The following ARAP2 variants were observed in gnomAD, a reference collection of about 807,000 sequenced individuals.
The protein encoded by ARAP2 is arf-GAP with Rho-GAP domain, ANK repeat and PH domain-containing protein 2.
Under a neutral mutation model 194.5 loss-of-function variants are expected in ARAP2, and 148 were observed. That is an observed-to-expected ratio of 0.76 (90% CI 0.67 to 0.87). ARAP2 has a LOEUF of 0.87. Among genes scored for constraint, ARAP2 ranks in the 40% least tolerant of loss-of-function variants. ARAP2 has a pLI of 0.00. For synonymous variants in ARAP2, 695 were observed against 683.5 expected, an observed-to-expected ratio of 1.02 and a Z score of -0.26; for missense variants, 2,128 against 1,989.7, an observed-to-expected ratio of 1.07 and a Z score of -1.32.
chr4:36,192,430 G>A (rs898220263), intron 7 of ARAP2, among the ~76,000 whole-genome samples: 1 of 152,018 alleles, frequency 6.6e-6, no homozygotes, highest in Non-Finnish European at 1.5e-5. Flanking sequence ...GGGAAAGAGG[G>A]AAAAACAGTC....
At chr4:36,025,058 A>G (rs1476303094) in intron 5 of ARAP2, among the ~76,000 whole-genome samples, 1 of 152,114 alleles carries the variant, frequency 6.6e-6, no homozygotes, top group Non-Finnish European at 1.5e-5. Flanking sequence ...CTTACTAATC[A>G]CATATTCAAC....
At chr4:36,177,734 T>C (rs529795253) in intron 9 of ARAP2, 93 bp downstream of exon 9, 1 of 1,313,244 alleles carries the variant, frequency 7.6e-7, no homozygotes, top group East Asian at 2.4e-5. Flanking sequence ...AACAAGACTC[T>C]ATAAGTAAAA....
chr4:36,010,640 C>T (rs927595683), intron 9 of ARAP2, among the ~76,000 whole-genome samples: 2 of 152,124 alleles, frequency 1.3e-5, no homozygotes, highest in African/African-American at 2.4e-5. Flanking sequence ...TCATGAGGGA[C>T]CTAAGTCTTT....
At chr4:36,022,047 G>A (rs1254655151) in intron 5 of ARAP2, among the ~76,000 whole-genome samples, 2 of 152,120 alleles carry the variant, frequency 1.3e-5, no homozygotes, top group Non-Finnish European at 2.9e-5. Context: ...TAGCACAACC[G>A]TAAGTGTTTG....
chr4:36,189,482 T>G (rs1057277694), intron 7 of ARAP2, among the ~76,000 whole-genome samples: 3 of 152,172 alleles, frequency 2.0e-5, no homozygotes, highest in African/African-American at 7.2e-5. Context: ...CATCCTACAG[T>G]GCTATAGAAC....
intron 1 of ARAP2, among the ~76,000 whole-genome samples, chr4:36,232,656 C>T (rs956203381): frequency 6.6e-6 from 1 of 152,196 alleles, no homozygotes; most frequent in Non-Finnish European, 1.5e-5. Context: ...ACTCTATCTG[C>T]TTTCTTAAGC....
chr4:36,124,502 A>G (rs1035144969), intron 22 of ARAP2, among the ~76,000 whole-genome samples: 4 of 151,876 alleles, frequency 2.6e-5, no homozygotes, highest in African/African-American at 9.7e-5. Context: ...ACCAAAATAT[A>G]AAGGTCAGGT....
chr4:36,077,561 T>C (rs1482250469), intron 31 of ARAP2, among the ~76,000 whole-genome samples: 1 of 152,188 alleles, frequency 6.6e-6, no homozygotes, highest in African/African-American at 2.4e-5. Context: ...AAAAGCCTTA[T>C]TGGCTCTACC....
chr4:36,135,959 T>C (rs2109631332), intron 19 of ARAP2, among the ~76,000 whole-genome samples: 1 of 151,950 alleles, frequency 6.6e-6, no homozygotes, highest in Non-Finnish European at 1.5e-5. Flanking sequence ...CAAATTTTCT[T>C]TCTAGTCAGA....
At chr4:36,085,811 G>C (rs989980782) in intron 28 of ARAP2, among the ~76,000 whole-genome samples, 15 of 152,034 alleles carry the variant, frequency 9.9e-5, no homozygotes, top group African/African-American at 3.4e-4. Flanking sequence ...ACTCCTATCA[G>C]AGAAGTCTAT....
intron 9 of ARAP2, among the ~76,000 whole-genome samples, chr4:36,008,683 C>T (rs1352019892): frequency 1.3e-5 from 2 of 151,720 alleles, no homozygotes; most frequent in African/African-American, 4.8e-5. Flanking sequence ...ACAACAAAAA[C>T]AAAAATTGGC....
chr4:36,103,772 G>C (rs934956379), intron 27 of ARAP2, among the ~76,000 whole-genome samples: 1 of 151,808 alleles, frequency 6.6e-6, no homozygotes. Context: ...TACCTTAAAT[G>C]AATGAGCAGA....
chr4:36,227,887 C>A (rs926445650), intron 2 of ARAP2, among the ~76,000 whole-genome samples: 1 of 152,156 alleles, frequency 6.6e-6, no homozygotes, highest in African/African-American at 2.4e-5. Context: ...TAAATTACCT[C>A]CTCCCAAACT....
rs1560675673 is a variant in ARAP2 at position 36,210,396 on chromosome 4, GGA to G, written c.1479_1480del (p.Pro494SerfsTer14). 5 of 1,608,786 alleles carry G rather than the reference GGA, an allele frequency of 3.1e-6. No homozygotes were observed. Among genetic ancestry groups the G allele is most frequent in the Non-Finnish European group, 3.4e-6 (4 of 1,177,720 alleles). Reference sequence around the variant, plus strand: ...TAAATGCATACGTACATACCCTTGAGGAGAGAGTTTATCCAGCCATCCTGATT... The same window carrying G: ...TAAATGCATACGTACATACCCTTGAGGAGAGTTTATCCAGCCATCCTGATT... On this transcript the variant is annotated frameshift_variant, in exon 6 of 33. Transcript: ENST00000303965. LOFTEE classifies it high-confidence loss of function.
At chr4:36,153,682 T>C (rs1731548587) in intron 15 of ARAP2, among the ~76,000 whole-genome samples, 2 of 152,190 alleles carry the variant, frequency 1.3e-5, no homozygotes, top group African/African-American at 4.8e-5. Flanking sequence ...AATGCTACCA[T>C]GGAATGATAT....
chr4:36,144,043 G>C (rs1728999244), intron 19 of ARAP2, among the ~76,000 whole-genome samples: 2 of 151,676 alleles, frequency 1.3e-5, no homozygotes, highest in Non-Finnish European at 2.9e-5. Flanking sequence ...CCATATATGA[G>C]GGGCTGGACT....
intron 15 of ARAP2, among the ~76,000 whole-genome samples, chr4:36,151,278 A>G (rs189395273): frequency 1.3e-5 from 2 of 152,334 alleles, no homozygotes; most frequent in East Asian, 3.9e-4. Context: ...TGACTGTGAC[A>G]TTGATAACCA....
intron 8 of ARAP2, among the ~76,000 whole-genome samples, chr4:36,182,442 G>A (rs1038580173): frequency 2.6e-5 from 4 of 152,018 alleles, no homozygotes; most frequent in Non-Finnish European, 5.9e-5. Context: ...TTTGCAGTGA[G>A]CCGAGATTGT....
rs1725469255 is a variant in ARAP2 at position 36,066,417 on chromosome 4, C to T, written c.*1490G>A. 1 of 151,972 alleles carries T rather than the reference C, an allele frequency of 6.6e-6. No individual in the cohort carries two copies. Among genetic ancestry groups the T allele is most frequent in the Admixed American group, 6.6e-5 (1 of 15,264 alleles). The allele number at this position is 151,972 out of a possible 1,614,324, so 9.4% of individuals were successfully genotyped here. On this transcript the variant is annotated 3_prime_UTR_variant, in exon 33 of 33. Coordinates refer to ENST00000303965, the MANE Select transcript of ARAP2 (RefSeq NM_015230.4). The stretch of plus-strand genomic sequence containing the variant: ...TGATTTAAAGAATAAATATCTCATA[C>T]CCATGGTGAACTATTTTATCACCCC...
Sources: allele counts gnomAD v4.1 joint callset (sites outside exome capture counted in the v4.1 genomes callset), GRCh38; gene constraint gnomAD v4.1.1; transcripts MANE v1.5; gene names NCBI Gene and HGNC (gene_info 2026-07-23, HGNC 2026-07-21).